GLRA1: variants seen among roughly 807,000 people sequenced by gnomAD.
The protein encoded by GLRA1 is glycine receptor alpha 1.
A neutral mutation model predicts 48.3 loss-of-function variants in GLRA1; 37 were observed. That is an observed-to-expected ratio of 0.77 (90% CI 0.59 to 1.01). The LOEUF is 1.01. Ranked by LOEUF, GLRA1 falls within the 50% of genes least tolerant of loss-of-function variation. The pLI is 0.00. For synonymous variants in GLRA1, 196 were observed against 210.7 expected, an observed-to-expected ratio of 0.93 and a Z score of 0.60; for missense variants, 427 against 571.0, an observed-to-expected ratio of 0.75 and a Z score of 2.57.
intron 1 of GLRA1, among the ~76,000 whole-genome samples, chr5:151,909,554 A>C (rs990319125): frequency 5.3e-5 from 8 of 152,212 alleles, no homozygotes; most frequent in African/African-American, 1.9e-4. Context: ...TCATATAATA[A>C]GTTTTGCCCA....
chr5:151,849,044 G>C, intron 7 of GLRA1: 1 of 470,552 alleles, frequency 2.1e-6, no homozygotes, highest in Non-Finnish European at 4.0e-6. Context: ...GCCCAACTGT[G>C]TGGAAGAGTT....
chr5:151,842,103 T>C lies in GLRA1; in HGVS notation c.912+9287A>G, dbSNP rs1763725048. ...AGAAACTTTGAATACACACATAACATGTAAGGAGATTGAATTAGTAATAAA... is the reference window on the plus strand; with the variant it reads ...AGAAACTTTGAATACACACATAACACGTAAGGAGATTGAATTAGTAATAAA... On this transcript the variant is annotated intron_variant, in intron 7 of 8. Coordinates refer to ENST00000274576, the MANE Select transcript of GLRA1 (RefSeq NM_000171.4). Among the ~76,000 whole-genome samples, 5 of 149,902 alleles carry C rather than the reference T, an allele frequency of 3.3e-5. No homozygotes were observed. The South Asian group carries it at 1.1e-3, about 32-fold the overall frequency.
chr5:151,885,390 A>C (rs1244293769), intron 3 of GLRA1, among the ~76,000 whole-genome samples: 5 of 152,196 alleles, frequency 3.3e-5, no homozygotes, highest in Non-Finnish European at 5.9e-5. Context: ...GGTAATTGTA[A>C]GTGACAAGTG....
chr5:151,892,205 T>C, intron 2 of GLRA1, 106 bp downstream of exon 2: 2 of 1,036,654 alleles, frequency 1.9e-6, no homozygotes, highest in Non-Finnish European at 3.0e-6. Flanking sequence ...GAAAGAGTCA[T>C]GGGATTCACA....
intron 7 of GLRA1, chr5:151,850,526 A>G (rs1177868327): frequency 7.7e-6 from 8 of 1,035,094 alleles, no homozygotes; most frequent in South Asian, 1.3e-5. Context: ...CCAGTACCAC[A>G]TCCACGCTTA....
At chr5:151,850,425 G>T (rs1259734165) in intron 7 of GLRA1, 1 of 1,186,932 alleles carries the variant, frequency 8.4e-7, no homozygotes. Context: ...GAAGTGTTCA[G>T]GCTGCCATAC....
At chr5:151,834,884 C>T (rs542224986) in intron 7 of GLRA1, among the ~76,000 whole-genome samples, 25 of 151,512 alleles carry the variant, frequency 1.7e-4, no homozygotes, top group South Asian at 8.4e-4. Flanking sequence ...AAAAATTAGC[C>T]GGGCGTGGTG....
At chr5:151,860,375 GA>G (rs770964089) in intron 3 of GLRA1, among the ~76,000 whole-genome samples, 2 of 151,892 alleles carry the variant, frequency 1.3e-5, no homozygotes, top group Non-Finnish European at 2.9e-5. Flanking sequence ...TTAAATAAGA[GA>G]AAAAATACAT....
At chr5:151,831,296 CAG>C in intron 7 of GLRA1, among the ~76,000 whole-genome samples, 1 of 152,314 alleles carries the variant, frequency 6.6e-6, no homozygotes, top group South Asian at 2.1e-4. Context: ...CCCAGCAAGA[CAG>C]AACCATTCAC....
chr5:151,901,405 A>C (rs897435279), intron 1 of GLRA1, among the ~76,000 whole-genome samples: 41 of 152,326 alleles, frequency 2.7e-4, no homozygotes, highest in Non-Finnish European at 4.3e-4. Flanking sequence ...TGAAGAATCC[A>C]GGGGGATTCT....
At chr5:151,890,797 A>G (rs1281703334) in intron 2 of GLRA1, among the ~76,000 whole-genome samples, 2 of 152,278 alleles carry the variant, frequency 1.3e-5, no homozygotes, top group African/African-American at 4.8e-5. Context: ...GCTTGAGCTG[A>G]GTGTGCTGGG....
chr5:151,841,463 A>G (rs908188822), intron 7 of GLRA1, among the ~76,000 whole-genome samples: 22 of 152,048 alleles, frequency 1.4e-4, no homozygotes, highest in African/African-American at 5.3e-4. Context: ...AAGCAAGCAG[A>G]AGGAAGAAAA....
chr5:151,891,462 C>G lies in GLRA1; in HGVS notation c.184+849G>C, dbSNP rs114187615. Among the ~76,000 whole-genome samples, 626 of 152,266 alleles carry G rather than the reference C, an allele frequency of 4.1e-3. 5 individuals carry two copies. Among genetic ancestry groups the G allele is most frequent in the African/African-American group, 0.014 (594 of 41,556 alleles). ...ACATGTTTTAGGAATTAGGAAGTCT[C>G]ACATAGATCTCGGTATCTGGCTCTT... is the stretch of plus-strand genomic sequence containing the variant. On this transcript the variant is annotated intron_variant, in intron 2 of 8. Transcript: ENST00000274576.
At chr5:151,864,352 T>A (rs1374301573) in intron 3 of GLRA1, among the ~76,000 whole-genome samples, 1 of 152,178 alleles carries the variant, frequency 6.6e-6, no homozygotes, top group African/African-American at 2.4e-5. Context: ...GCAGGCGCCG[T>A]TCTAGATACT....
At chr5:151,874,403 T>C (rs1753572505) in intron 3 of GLRA1, among the ~76,000 whole-genome samples, 1 of 152,130 alleles carries the variant, frequency 6.6e-6, no homozygotes, top group African/African-American at 2.4e-5. Flanking sequence ...TGGGAGGTAG[T>C]AGGTTCCCCA....
intron 3 of GLRA1, chr5:151,875,451 G>T (rs1383884446): frequency 6.6e-6 from 1 of 152,142 alleles, no homozygotes; most frequent in Non-Finnish European, 1.5e-5. Flanking sequence ...TAGAATTAGA[G>T]CCATGAACAA....
chr5:151,919,013 T>C (rs1024830086), intron 1 of GLRA1, among the ~76,000 whole-genome samples: 2 of 152,188 alleles, frequency 1.3e-5, no homozygotes, highest in African/African-American at 4.8e-5. Context: ...CATGAAATAG[T>C]AATGAGGACT....
intron 1 of GLRA1, among the ~76,000 whole-genome samples, chr5:151,894,617 G>A (rs1754185091): frequency 6.6e-6 from 1 of 152,144 alleles, no homozygotes; most frequent in Non-Finnish European, 1.5e-5. Flanking sequence ...TTAAGAGCAG[G>A]AATCATGGTG....
intron 2 of GLRA1, among the ~76,000 whole-genome samples, chr5:151,891,947 CAAAG>C (rs2113416413): frequency 6.6e-6 from 1 of 152,140 alleles, no homozygotes; most frequent in African/African-American, 2.4e-5. Flanking sequence ...AACAGAGGCC[CAAAG>C]AAAGGGAGAG....
Sources: gnomAD v4.1 joint callset for allele counts (sites outside exome capture counted in the v4.1 genomes callset) on GRCh38, gnomAD v4.1.1 for gene constraint, MANE v1.5 for transcripts, NCBI Gene and HGNC (gene_info 2026-07-23, HGNC 2026-07-21) for gene names.